The following MRPS28 variants were observed in gnomAD, a reference collection of about 807,000 sequenced individuals.
The protein encoded by MRPS28 is small ribosomal subunit protein bS1m.
Under a neutral mutation model 10.8 loss-of-function variants are expected in MRPS28, and 7 were observed. The ratio of observed to expected loss-of-function variants is 0.65; its 90% confidence interval spans 0.37 to 1.22. The LOEUF (loss-of-function observed/expected upper bound fraction) is 1.22. Ranked by LOEUF, MRPS28 falls within the 50% of genes most tolerant of loss-of-function variation. The probability of loss-of-function intolerance (pLI) is 0.02; values close to 1 mark genes in which losing one functional copy is unlikely to be tolerated. For synonymous variants in MRPS28, 121 were observed against 93.3 expected, an observed-to-expected ratio of 1.30 and a Z score of -1.71; for missense variants, 265 against 232.9, an observed-to-expected ratio of 1.14 and a Z score of -0.90.
At chr8:79,933,664 A>C (rs1235264024) in intron 2 of MRPS28, among the ~76,000 whole-genome samples, 1 of 152,196 alleles carries the variant, frequency 6.6e-6, no homozygotes, top group Non-Finnish European at 1.5e-5. Context: ...ACCATGATGA[A>C]ATGAAATACA....
intron 1 of MRPS28, among the ~76,000 whole-genome samples, chr8:80,014,185 A>G (rs1025055095): frequency 1.3e-5 from 2 of 152,214 alleles, no homozygotes; most frequent in Non-Finnish European, 2.9e-5. Flanking sequence ...GCTGAAAACA[A>G]GGAGAATAGC....
intron 2 of MRPS28, among the ~76,000 whole-genome samples, chr8:79,991,718 T>C (rs1227249031): frequency 1.3e-5 from 2 of 152,248 alleles, no homozygotes; most frequent in African/African-American, 4.8e-5. Context: ...TTAAGCTTTG[T>C]TCACACACAG....
At chr8:79,940,621 T>A (rs1287294969) in intron 2 of MRPS28, among the ~76,000 whole-genome samples, 1 of 152,198 alleles carries the variant, frequency 6.6e-6, no homozygotes, top group Non-Finnish European at 1.5e-5. Context: ...TCCCACAGTA[T>A]CCGGTTGCTG....
intron 2 of MRPS28, among the ~76,000 whole-genome samples, chr8:79,973,839 T>TAA (rs11449920): frequency 0.14 from 19,464 of 135,910 alleles, 1,557 homozygotes; most frequent in African/African-American, 0.23. Context: ...AATAAATTAA[T>TAA]AAAAAAAAAA....
chr8:79,969,784 A>C (rs554738859), intron 2 of MRPS28, among the ~76,000 whole-genome samples: 3 of 152,292 alleles, frequency 2.0e-5, no homozygotes, highest in Admixed American at 2.0e-4. Context: ...GTAAGGTAAG[A>C]AGTAAACAGG....
intron 2 of MRPS28, among the ~76,000 whole-genome samples, chr8:79,978,736 G>A (rs930689710): frequency 5.9e-5 from 9 of 152,044 alleles, no homozygotes; most frequent in African/African-American, 9.7e-5. Context: ...AAATAAATAC[G>A]CAGTTTCCAA....
intron 2 of MRPS28, among the ~76,000 whole-genome samples, chr8:80,000,880 T>C (rs936792803): frequency 6.6e-6 from 1 of 152,188 alleles, no homozygotes; most frequent in African/African-American, 2.4e-5. Context: ...ATATATTATG[T>C]TCAAGAATAT....
intron 1 of MRPS28, among the ~76,000 whole-genome samples, chr8:80,020,565 T>C (rs1385043607): frequency 6.6e-6 from 1 of 152,208 alleles, no homozygotes; most frequent in East Asian, 1.9e-4. Context: ...AGGAGCCTTT[T>C]TAAAGTATTT....
intron 2 of MRPS28, among the ~76,000 whole-genome samples, chr8:79,971,331 G>A (rs557882036): frequency 3.3e-5 from 5 of 151,968 alleles, no homozygotes; most frequent in Non-Finnish European, 7.4e-5. Context: ...TACACAGAAA[G>A]GTTTTTTTAA....
intron 2 of MRPS28, among the ~76,000 whole-genome samples, chr8:79,957,585 G>GT (rs1283095412): frequency 6.6e-6 from 1 of 151,348 alleles, no homozygotes; most frequent in Admixed American, 6.6e-5. Flanking sequence ...AGGCATGGTG[G>GT]TAAGTGCCTG....
intron 2 of MRPS28, among the ~76,000 whole-genome samples, chr8:79,989,549 G>C (rs1371982372): frequency 6.6e-6 from 1 of 152,086 alleles, no homozygotes; most frequent in Non-Finnish European, 1.5e-5. Flanking sequence ...TTTCTAAAAG[G>C]ATCCTGTTAT....
At chr8:79,969,507 A>G (rs1325203009) in intron 2 of MRPS28, among the ~76,000 whole-genome samples, 1 of 152,164 alleles carries the variant, frequency 6.6e-6, no homozygotes, top group African/African-American at 2.4e-5. Flanking sequence ...GAAATCCTGT[A>G]GACTTTTAAA....
chr8:80,028,321 A>AGG (rs1809541907), intron 1 of MRPS28, among the ~76,000 whole-genome samples: 1 of 152,034 alleles, frequency 6.6e-6, no homozygotes, highest in Admixed American at 6.6e-5. Flanking sequence ...GGGAGCACTG[A>AGG]ACTCTATGTT....
At position 79,918,928 on chromosome 8, in the gene MRPS28, TTGA is replaced by T. The variant is rs1809996435; in HGVS notation, c.*49_*51del. 2.3e-6 allele frequency: 3 copies of T among 1,325,230 alleles called. No individual in the cohort carries two copies. Among genetic ancestry groups the T allele is most frequent in the Non-Finnish European group, 2.0e-6 (2 of 1,002,652 alleles). The allele number at this position is 1,325,230 out of a possible 1,614,324, so 82.1% of individuals were successfully genotyped here. A position where few individuals can be genotyped will look rare whatever the true frequency, so the allele number is the denominator to read the frequency against. On this transcript the variant is annotated 3_prime_UTR_variant, in exon 3 of 3. Coordinates refer to ENST00000276585, the MANE Select transcript of MRPS28 (RefSeq NM_014018.3). ...ATTCACAATTAGTCTAATTGCATTC[TTGA>T]TGAATAACTGACTTCAGCAAAGGAG...
chr8:80,018,790 A>G (rs1395860173), intron 1 of MRPS28, among the ~76,000 whole-genome samples: 1 of 152,250 alleles, frequency 6.6e-6, no homozygotes, highest in Non-Finnish European at 1.5e-5. Flanking sequence ...GTACATATAC[A>G]CAATGCAGTA....
intron 2 of MRPS28, among the ~76,000 whole-genome samples, chr8:79,951,633 G>A (rs1230145455): frequency 6.6e-6 from 1 of 152,168 alleles, no homozygotes; most frequent in African/African-American, 2.4e-5. Context: ...ATTAATGACT[G>A]CTTCACAACT....
chr8:79,938,483 T>C (rs1453995747), intron 2 of MRPS28, among the ~76,000 whole-genome samples: 1 of 151,964 alleles, frequency 6.6e-6, no homozygotes, highest in Non-Finnish European at 1.5e-5. Flanking sequence ...AAACTGAATG[T>C]TAAAATTAAG....
At chr8:79,924,667 T>C (rs559034003) in intron 2 of MRPS28, among the ~76,000 whole-genome samples, 101 of 152,198 alleles carry the variant, frequency 6.6e-4, no homozygotes, top group Non-Finnish European at 1.3e-3. Flanking sequence ...TTTTAAGCCT[T>C]TTTATTAGCT....
chr8:79,976,543 A>G (rs540448478), intron 2 of MRPS28, among the ~76,000 whole-genome samples: 2 of 152,158 alleles, frequency 1.3e-5, no homozygotes, highest in East Asian at 3.9e-4. Context: ...TAGCTCTACT[A>G]AAAATACAAA....
Sources: gnomAD v4.1 joint callset for allele counts (sites outside exome capture counted in the v4.1 genomes callset) on GRCh38, gnomAD v4.1.1 for gene constraint, MANE v1.5 for transcripts, NCBI Gene and HGNC (gene_info 2026-07-23, HGNC 2026-07-21) for gene names.